Variants in MLLT10 observed in about 807,000 individuals in gnomAD.
MLLT10 encodes the protein MLLT10 histone lysine methyltransferase DOT1L cofactor.
In MLLT10, 30 loss-of-function variants were observed where a neutral mutation model predicts 129.1. The ratio of observed to expected loss-of-function variants is 0.23; its 90% CI spans 0.17 to 0.32. The LOEUF (loss-of-function observed/expected upper bound fraction) is 0.32, where lower values mean the gene tolerates loss of function less well. Ranked by LOEUF, MLLT10 falls within the 10% of genes least tolerant of loss-of-function variation. The probability of loss-of-function intolerance (pLI) is 1.00; values close to 1 mark genes in which losing one functional copy is unlikely to be tolerated. For missense variants in MLLT10, 1,119 were observed against 1,268.3 expected (o/e 0.88, Z 1.79); for synonymous variants, 490 against 446.4 (o/e 1.10, Z -1.23).
chr10:21,710,083 T>C (rs1381755540), intron 13 of MLLT10, among the ~76,000 whole-genome samples: 1 of 152,236 alleles, frequency 6.6e-6, no homozygotes, highest in African/African-American at 2.4e-5. Context: ...AGATTCTCTA[T>C]CTTAGTTTTC....
In MLLT10 at chr10:21,672,557, G is replaced by A. The variant is rs191884901; in HGVS notation, c.1052-793G>A. Among the ~76,000 whole-genome samples the A allele has an allele frequency of 5.3e-5, 8 of 152,004 alleles. No individual in the cohort carries two copies. The East Asian group carries it at 1.2e-3, about 22-fold the overall frequency. On this transcript the variant is annotated intron_variant, in intron 10 of 22. Transcript: ENST00000307729. The stretch of plus-strand genomic sequence containing the variant: ...CCTGACCTCATGATCCTCCCGCTTC[G>A]GCCTCCCAAAGTGCTGGGATTACAG...
chr10:21,542,066 A>G (rs1390436950), intron 3 of MLLT10, among the ~76,000 whole-genome samples: 1 of 152,128 alleles, frequency 6.6e-6, no homozygotes, highest in African/African-American at 2.4e-5. Context: ...TGACAATGAG[A>G]TGAGGCTGTT....
At chr10:21,641,947 C>T (rs1485439966) in intron 8 of MLLT10, among the ~76,000 whole-genome samples, 1 of 152,150 alleles carries the variant, frequency 6.6e-6, no homozygotes. Context: ...TTGGCTTTTG[C>T]AGTCATGGTT....
intron 3 of MLLT10, among the ~76,000 whole-genome samples, chr10:21,562,745 A>AAGT (rs1017753379): frequency 1.3e-5 from 2 of 151,280 alleles, no homozygotes; most frequent in African/African-American, 4.9e-5. Context: ...TATTTCAGTA[A>AAGT]AGTTTTGTGA....
rs764066159 is a variant in MLLT10, at chr10:21,703,839, C to T, written c.1700-9933C>T. 1.6e-3 allele frequency among the ~76,000 whole-genome samples: 243 copies of T among 151,796 alleles called. 1 individual carries two copies. Among genetic ancestry groups the T allele is most frequent in the Middle Eastern group, 6.8e-3 (2 of 294 alleles). On this transcript the variant is annotated intron_variant, in intron 13 of 22. Coordinates refer to ENST00000307729, the MANE Select transcript of MLLT10 (RefSeq NM_001195626.3). ...GATTACAGGTGTGAGCCATCGCACCCGGCCCAGACCTGGGAAGTTTTAATC... is the reference window on the plus strand; with the variant it reads ...GATTACAGGTGTGAGCCATCGCACCTGGCCCAGACCTGGGAAGTTTTAATC...
chr10:21,562,189 A>C (rs1372776377), intron 3 of MLLT10, among the ~76,000 whole-genome samples: 1 of 151,926 alleles, frequency 6.6e-6, no homozygotes, highest in Admixed American at 6.6e-5. Flanking sequence ...CCTTTTCAAG[A>C]TTGTTTTGGC....
At chr10:21,608,327 G>A (rs939198972) in intron 5 of MLLT10, among the ~76,000 whole-genome samples, 2 of 151,148 alleles carry the variant, frequency 1.3e-5, no homozygotes, top group Non-Finnish European at 2.9e-5. Flanking sequence ...GCACCATCAC[G>A]CCTGGATAAT....
At chr10:21,542,218 T>C (rs2035296621) in intron 3 of MLLT10, among the ~76,000 whole-genome samples, 1 of 152,164 alleles carries the variant, frequency 6.6e-6, no homozygotes, top group Non-Finnish European at 1.5e-5. Context: ...CTTCCACTCT[T>C]TTATTCTCTC....
intron 3 of MLLT10, among the ~76,000 whole-genome samples, chr10:21,542,954 G>A (rs561467129): frequency 6.6e-6 from 1 of 151,294 alleles, no homozygotes; most frequent in Non-Finnish European, 1.5e-5. Flanking sequence ...GTGACATTAA[G>A]GTTTTTTTTT....
chr10:21,557,292 C>A, intron 3 of MLLT10: 1 of 564,422 alleles, frequency 1.8e-6, no homozygotes, highest in Non-Finnish European at 2.4e-6. Flanking sequence ...ACACTTTCAT[C>A]ATGGACACTG....
intron 14 of MLLT10, among the ~76,000 whole-genome samples, chr10:21,719,963 A>G (rs2057012231): frequency 6.6e-6 from 1 of 152,188 alleles, no homozygotes. Context: ...TCAGCTGTGG[A>G]TTAAGGTCTT....
At chr10:21,596,507 A>G (rs986714312) in intron 5 of MLLT10, among the ~76,000 whole-genome samples, 20 of 152,310 alleles carry the variant, frequency 1.3e-4, no homozygotes, top group African/African-American at 4.6e-4. Flanking sequence ...GGAAGCTTCA[A>G]TAAATACATT....
chr10:21,724,290 C>T (rs2057328341), intron 14 of MLLT10, among the ~76,000 whole-genome samples: 2 of 152,216 alleles, frequency 1.3e-5, no homozygotes, highest in South Asian at 2.1e-4. Context: ...AAACTGTTTC[C>T]GTGAACCATA....
chr10:21,693,057 C>T (rs979728644), intron 13 of MLLT10, among the ~76,000 whole-genome samples: 4 of 151,928 alleles, frequency 2.6e-5, no homozygotes, highest in African/African-American at 7.2e-5. Context: ...TGATGCTTCT[C>T]GTTTAGGCTT....
chr10:21,622,883 A>G (rs2046037377), intron 8 of MLLT10, among the ~76,000 whole-genome samples: 1 of 152,190 alleles, frequency 6.6e-6, no homozygotes, highest in Admixed American at 6.5e-5. Context: ...TGTCACCTGT[A>G]CTTTTCACCA....
intron 14 of MLLT10, among the ~76,000 whole-genome samples, chr10:21,716,650 T>A (rs2056583341): frequency 6.6e-6 from 1 of 150,402 alleles, no homozygotes; most frequent in Non-Finnish European, 1.5e-5. Flanking sequence ...GCCGAGATCA[T>A]GCCACTGCAC....
intron 17 of MLLT10, among the ~76,000 whole-genome samples, chr10:21,731,350 A>G (rs1425298727): frequency 9.9e-5 from 15 of 152,132 alleles, no homozygotes; most frequent in African/African-American, 1.4e-4. Flanking sequence ...CACCCATATC[A>G]GAGGGTTATT....
At chr10:21,712,563 C>A (rs374188669) in intron 13 of MLLT10, among the ~76,000 whole-genome samples, 1 of 152,174 alleles carries the variant, frequency 6.6e-6, no homozygotes, top group Non-Finnish European at 1.5e-5. Context: ...TTCTTTCCTC[C>A]TGTTTCTGTA....
At position 21,722,143 on chromosome 10, in the gene MLLT10, G is replaced by A. The variant is rs547808903; in HGVS notation, c.1879-4101G>A. Among the ~76,000 whole-genome samples, 36 of 151,798 alleles carry A rather than the reference G, an allele frequency of 2.4e-4. No homozygotes were observed. The South Asian group carries it at 6.2e-3, about 26-fold the overall frequency. On this transcript the variant is annotated intron_variant, in intron 14 of 22. Transcript: ENST00000307729. Reference sequence around the variant, plus strand: ...GTTTTCTTAATTTGAAATAATTTTCGATATATAGAAAAGTTACAAGGACAG... The same window carrying A: ...GTTTTCTTAATTTGAAATAATTTTCAATATATAGAAAAGTTACAAGGACAG...
Sources: allele counts gnomAD v4.1 joint callset (sites outside exome capture counted in the v4.1 genomes callset), GRCh38; gene constraint gnomAD v4.1.1; transcripts MANE v1.5; gene names NCBI Gene and HGNC (gene_info 2026-07-23, HGNC 2026-07-21).